The following NTMT2 variants were observed in gnomAD, a reference collection of about 807,000 sequenced individuals.
NTMT2 encodes the protein N-terminal Xaa-Pro-Lys N-methyltransferase 2.
Under a neutral mutation model 23.4 loss-of-function variants are expected in NTMT2, and 21 were observed. The observed-to-expected ratio is 0.90, with a 90% CI of 0.64 to 1.29. The LOEUF (loss-of-function observed/expected upper bound fraction) is 1.29. Among genes scored for constraint, NTMT2 ranks in the 50% most tolerant of loss-of-function variants. The pLI is 0.00. For missense variants in NTMT2, 336 were observed against 352.0 expected, an observed-to-expected ratio of 0.95 and a Z score of 0.36; for synonymous variants, 131 against 127.7, an observed-to-expected ratio of 1.03 and a Z score of -0.17.
chr1:170,151,754 T>C (rs746302705), intron 1 of NTMT2, among the ~76,000 whole-genome samples: 16 of 152,080 alleles, frequency 1.1e-4, no homozygotes, highest in Admixed American at 5.9e-4. Flanking sequence ...TAGACCTAGG[T>C]TCAAGTCCCA....
At chr1:170,148,322 T>TTTTTA (rs1335143406) in intron 1 of NTMT2, among the ~76,000 whole-genome samples, 2 of 151,656 alleles carry the variant, frequency 1.3e-5, no homozygotes, top group Non-Finnish European at 2.9e-5. Context: ...CTATTTTTTT[T>TTTTTA]TTTTATTTTT....
chr1:170,160,735 TG>T, intron 2 of NTMT2, 42 bp downstream of exon 2: 1 of 1,461,038 alleles, frequency 6.8e-7, no homozygotes, highest in Non-Finnish European at 9.1e-7. Context: ...GCAAAGTCCT[TG>T]CAAACATTGA....
chr1:170,147,016 A>G (rs773249622), intron 1 of NTMT2, among the ~76,000 whole-genome samples: 2 of 152,090 alleles, frequency 1.3e-5, no homozygotes, highest in African/African-American at 2.4e-5. Flanking sequence ...TTTGATTTGT[A>G]TTTTCCCCCA....
intron 2 of NTMT2, among the ~76,000 whole-genome samples, 160 bp from the exon 3 acceptor site, chr1:170,166,342 C>T (rs1468394146): frequency 6.7e-6 from 1 of 148,380 alleles, no homozygotes; most frequent in African/African-American, 2.5e-5. Context: ...GGGGTTTCAC[C>T]GTGTTAGCCA....
intron 2 of NTMT2, among the ~76,000 whole-genome samples, chr1:170,166,126 TTTTTTTTTTTTTTC>T (rs1202132652): frequency 1.5e-4 from 14 of 95,176 alleles, no homozygotes; most frequent in East Asian, 6.5e-4. Context: ...ATTTTCTTTC[TTTTTTTTTTTTTTC>T]TTTTTTTTTT....
At chr1:170,150,647 G>A (rs560948438) in intron 1 of NTMT2, among the ~76,000 whole-genome samples, 47 of 152,106 alleles carry the variant, frequency 3.1e-4, no homozygotes, top group Non-Finnish European at 6.2e-4. Context: ...CATATTTTAT[G>A]ATTTAACAGG....
At chr1:170,167,320 G>A (rs186575763) in intron 3 of NTMT2, among the ~76,000 whole-genome samples, 166 bp from the exon 4 acceptor site, 4 of 152,246 alleles carry the variant, frequency 2.6e-5, no homozygotes, top group Admixed American at 1.3e-4. Context: ...GAGGATATGT[G>A]TCCTCTTATC....
chr1:170,155,971 CTT>C lies in NTMT2; in HGVS notation c.155-4546_155-4545del, dbSNP rs1673156378. Among the ~76,000 whole-genome samples, 3 of 152,010 alleles carry C rather than the reference CTT, an allele frequency of 2.0e-5. No individual in the cohort carries two copies. In the South Asian group the frequency reaches 6.2e-4, roughly 31 times the overall value. ...GGTGCATTGCCTCAAGGTAAACTGA[CTT>C]ATTTGCTTCTTAGAGTCAGAAGTTG... is the stretch of plus-strand genomic sequence containing the variant. On this transcript the variant is annotated intron_variant, in intron 1 of 3. Transcript: ENST00000439373.
In NTMT2 at chr1:170,166,542, G is replaced by A. The variant is rs1401942053; in HGVS notation, c.371G>A (p.Gly124Asp). 4 of 1,552,192 alleles carry A rather than the reference G, an allele frequency of 2.6e-6. No individual in the cohort carries two copies. Among genetic ancestry groups the A allele is most frequent in the East Asian group, 2.4e-5 (1 of 40,930 alleles). The change falls in exon 3 of 4, where the codon GGC becomes GAC. Residue 124 changes from glycine (G) to aspartate (D), a missense_variant. Physicochemically the swap from Gly to Asp is moderately conservative, Grantham distance 94. Transcript: ENST00000439373. ...RAGTDCALDC[G>D]SGIGRVSKHV... is the part of the protein sequence containing the mutation. ...GGAACAGACTGCGCCTTGGACTGCGGCTCCGGGATAGGAAGGGTCAGCAAA... is the reference window on the plus strand; with the variant it reads ...GGAACAGACTGCGCCTTGGACTGCGACTCCGGGATAGGAAGGGTCAGCAAA...
In NTMT2 at chr1:170,168,562, A is replaced by G. The variant is rs1031121629; in HGVS notation, c.*805A>G. Among the ~76,000 whole-genome samples, 14 of 152,254 alleles carry G rather than the reference A, an allele frequency of 9.2e-5. No individual in the cohort carries two copies. The highest frequency in any genetic ancestry group is 7.9e-4 in the Admixed American group (12 of 15,286). On this transcript the variant is annotated 3_prime_UTR_variant, in exon 4 of 4. Coordinates refer to ENST00000439373, the MANE Select transcript of NTMT2 (RefSeq NM_001136107.2). ...TATTTTGGGTCAGTTTTACTACCCA[A>G]TGATGTAATATGGATGTAATTTGAT... is the stretch of plus-strand genomic sequence containing the variant.
intron 1 of NTMT2, among the ~76,000 whole-genome samples, chr1:170,148,142 C>CTTTTTTTTT (rs371620511): frequency 1.9e-4 from 14 of 74,566 alleles, no homozygotes; most frequent in African/African-American, 2.8e-4. Context: ...TGAGGCACTC[C>CTTTTTTTTT]TTTTTTTTTT....
At chr1:170,160,218 A>G (rs1329335300) in intron 1 of NTMT2, among the ~76,000 whole-genome samples, 1 of 152,228 alleles carries the variant, frequency 6.6e-6, no homozygotes, top group African/African-American at 2.4e-5. Context: ...TAAAAATTTT[A>G]ATACAGTGAT....
At chr1:170,161,831 G>A (rs1673279240) in intron 2 of NTMT2, among the ~76,000 whole-genome samples, 1 of 152,184 alleles carries the variant, frequency 6.6e-6, no homozygotes, top group Non-Finnish European at 1.5e-5. Context: ...GGTGGCTCAT[G>A]CCTGTAATCC....
At chr1:170,147,177 C>A (rs1672979583) in intron 1 of NTMT2, among the ~76,000 whole-genome samples, 2 of 152,180 alleles carry the variant, frequency 1.3e-5, no homozygotes. Context: ...TGTTAGCAGC[C>A]TACCAAAACC....
At chr1:170,166,860 C>T in intron 3 of NTMT2, 109 bp downstream of exon 3, 1 of 1,184,216 alleles carries the variant, frequency 8.4e-7, no homozygotes, top group South Asian at 1.5e-5. Context: ...GTACTTCAAG[C>T]AGTTAGCTAG....
rs912944744 is a variant in NTMT2, at chr1:170,162,576, C to T, written c.330+1883C>T. Among the ~76,000 whole-genome samples, 6 of 152,228 alleles carry T rather than the reference C, an allele frequency of 3.9e-5. No homozygotes were observed. In the East Asian group the frequency reaches 1.2e-3, roughly 29 times the overall value. On this transcript the variant is annotated intron_variant, in intron 2 of 3. Coordinates refer to ENST00000439373, the MANE Select transcript of NTMT2 (RefSeq NM_001136107.2). The stretch of plus-strand genomic sequence containing the variant: ...AAATCAGTGCTGCTGACTGGTTTCA[C>T]TGAATGCTGGTTCTGAGAGAGTCAA...
chr1:170,160,268 T>G lies in NTMT2; in HGVS notation c.155-250T>G, dbSNP rs138119131. 4.2e-3 allele frequency among the ~76,000 whole-genome samples: 637 copies of G among 152,298 alleles called. 17 individuals carry two copies. The South Asian group carries it at 0.073, about 17-fold the overall frequency. On this transcript the variant is annotated intron_variant, in intron 1 of 3. Coordinates refer to ENST00000439373, the MANE Select transcript of NTMT2 (RefSeq NM_001136107.2). ...ATTCAACTATAGAGTTATTAAGTCA[T>G]GAAAATGCCACGATTATTATAATCC...
Position 170,166,630 on chromosome 1 carries a change from T to G in NTMT2, c.459T>G (p.Leu153=). The G allele has an allele frequency of 6.4e-7, 1 of 1,552,166 alleles. No individual in the cohort carries two copies. The highest frequency in any genetic ancestry group is 8.7e-7 in the Non-Finnish European group (1 of 1,147,090). Residue 153 remains leucine (L), a synonymous_variant, in exon 3 of 4, where the codon CTT becomes CTG. Transcript: ENST00000439373. The stretch of plus-strand genomic sequence containing the variant: ...TGGATATGATGGAATCCTTTCTCCT[T>G]GAAGCCCAGAACTACCTGCAGGTCA... ...ELVDMMESFL[L]EAQNYLQVKG...
Position 170,160,710 on chromosome 1 carries a change from CAGCTTGATGAGA to C in NTMT2, c.330+20_330+31del, listed in dbSNP as rs1312581390. 5.3e-6 allele frequency: 8 copies of C among 1,506,738 alleles called. No homozygotes were observed. In the African/African-American group the frequency reaches 9.8e-5, roughly 18 times the overall value. 93.3% of individuals were successfully genotyped at this position (1,506,738 alleles called of 1,614,324 possible). On this transcript the variant is annotated intron_variant, in intron 2 of 3. Transcript: ENST00000439373. ...TTTGTTGGGGTGAGTTATTCAACTGCAGCTTGATGAGAAGGCAAAGTCCTTGCAAACATTGAG... is the reference window on the plus strand; with the variant it reads ...TTTGTTGGGGTGAGTTATTCAACTGCAGGCAAAGTCCTTGCAAACATTGAG...
Sources: gnomAD v4.1 joint callset for allele counts (sites outside exome capture counted in the v4.1 genomes callset) on GRCh38, gnomAD v4.1.1 for gene constraint, MANE v1.5 for transcripts, NCBI Gene and HGNC (gene_info 2026-07-23, HGNC 2026-07-21) for gene names.